Variants in ZNF362 observed in about 807,000 individuals in gnomAD.
ZNF362 encodes rotund homolog.
Under a neutral mutation model 42.9 loss-of-function variants are expected in ZNF362, and 11 were observed. The observed-to-expected ratio is 0.26, with a 90% confidence interval of 0.16 to 0.42. The LOEUF (loss-of-function observed/expected upper bound fraction) is 0.42. ZNF362 is among the 20% of genes least tolerant of loss of function. ZNF362 has a pLI of 1.00. For missense variants in ZNF362, 362 were observed against 576.2 expected, an observed-to-expected ratio of 0.63 and a Z score of 3.81; for synonymous variants, 255 against 257.3, an observed-to-expected ratio of 0.99 and a Z score of 0.09.
At chr1:33,179,979 T>C in the ZNF362 span, among the ~76,000 whole-genome samples, 1 of 152,164 alleles carries the variant, frequency 6.6e-6, no homozygotes, top group East Asian at 1.9e-4. Flanking sequence ...GGAAATGCAG[T>C]TCTAATGTTT....
intron 1 of ZNF362, among the ~76,000 whole-genome samples, chr1:33,263,804 G>A (rs1156983084): frequency 6.6e-6 from 1 of 152,222 alleles, no homozygotes. Context: ...CCGGAGGTGA[G>A]AAATTCAGGG....
chr1:33,240,744 A>G, the ZNF362 span, among the ~76,000 whole-genome samples: 1 of 152,200 alleles, frequency 6.6e-6, no homozygotes, highest in Non-Finnish European at 1.5e-5. Flanking sequence ...TTTAAATAGT[A>G]GGCTCAAAAC....
the ZNF362 span, among the ~76,000 whole-genome samples, chr1:33,215,021 G>A: frequency 6.6e-6 from 1 of 152,166 alleles, no homozygotes. Flanking sequence ...GGAAAGTAGT[G>A]TATTGATTAG....
chr1:33,156,259 ACTCT>A, the ZNF362 span, among the ~76,000 whole-genome samples: 1 of 151,540 alleles, frequency 6.6e-6, no homozygotes, highest in South Asian at 2.1e-4. Flanking sequence ...GCACTGCCAC[ACTCT>A]CTCTCCTTCG....
At chr1:33,163,041 G>GT in the ZNF362 span, 1 of 151,854 alleles carries the variant, frequency 6.6e-6, no homozygotes, top group East Asian at 1.9e-4. Context: ...TGTTTTTGTT[G>GT]TTTTTTATTT....
chr1:33,295,020 G>A lies in ZNF362; in HGVS notation c.987+5G>A. On this transcript the variant is annotated splice_donor_5th_base_variant and intron_variant, in intron 7 of 8. Coordinates refer to ENST00000539719, the MANE Select transcript of ZNF362 (RefSeq NM_152493.3). Reference sequence around the variant, plus strand: ...ACTCAGCTCTCCAACCTCCAGGTGAGTGCCTGCCTGCCTCCTGCCCACCAG... The same window carrying A: ...ACTCAGCTCTCCAACCTCCAGGTGAATGCCTGCCTGCCTCCTGCCCACCAG... The A allele has an allele frequency of 6.2e-7, 1 of 1,614,090 alleles. No homozygotes were observed. Among genetic ancestry groups the A allele is most frequent in the Non-Finnish European group, 8.5e-7 (1 of 1,179,986 alleles).
the ZNF362 span, among the ~76,000 whole-genome samples, chr1:33,197,639 T>C: frequency 2.4e-4 from 37 of 151,632 alleles, no homozygotes; most frequent in African/African-American, 8.7e-4. Flanking sequence ...CTAGAAAGAG[T>C]TTCCAGGCCA....
intron 4 of ZNF362, among the ~76,000 whole-genome samples, chr1:33,279,418 A>G (rs982783357): frequency 2.1e-4 from 32 of 152,150 alleles, no homozygotes; most frequent in Non-Finnish European, 1.0e-4. Flanking sequence ...CCACCAGTGT[A>G]TGATATAAAA....
the ZNF362 span, among the ~76,000 whole-genome samples, chr1:33,154,767 C>A: frequency 6.8e-6 from 1 of 146,096 alleles, no homozygotes; most frequent in Non-Finnish European, 1.5e-5. Flanking sequence ...CACTGCACTC[C>A]AGCCTGGTTG....
At chr1:33,194,793 G>A in the ZNF362 span, 2 of 151,954 alleles carry the variant, frequency 1.3e-5, no homozygotes, top group Non-Finnish European at 2.9e-5. Flanking sequence ...GTATTATAGA[G>A]TAATGGAAAA....
intron 7 of ZNF362, 47 bp from the exon 8 acceptor site, chr1:33,295,100 G>T: frequency 1.2e-6 from 2 of 1,613,590 alleles, no homozygotes; most frequent in Non-Finnish European, 1.7e-6. Flanking sequence ...AGGGGGTGGG[G>T]TGAGGGAGCC....
upstream of ZNF362, among the ~76,000 whole-genome samples, chr1:33,252,893 GCTT>G (rs1645768800): frequency 6.6e-6 from 1 of 152,174 alleles, no homozygotes; most frequent in South Asian, 2.1e-4. Context: ...CTAGAGGAAA[GCTT>G]TGCAGAATTG....
the ZNF362 span, among the ~76,000 whole-genome samples, chr1:33,160,874 G>A: frequency 2.0e-5 from 3 of 152,208 alleles, no homozygotes; most frequent in Non-Finnish European, 4.4e-5. Flanking sequence ...AAGGAGCAAG[G>A]ACTGGTGTTT....
chr1:33,152,364 G>A, the ZNF362 span, among the ~76,000 whole-genome samples: 2 of 152,164 alleles, frequency 1.3e-5, no homozygotes, highest in Non-Finnish European at 2.9e-5. Flanking sequence ...TCCGGAGTTC[G>A]AGATCAGCCT....
the ZNF362 span, among the ~76,000 whole-genome samples, chr1:33,131,626 AAAAT>A: frequency 8.6e-5 from 13 of 151,390 alleles, no homozygotes; most frequent in Non-Finnish European, 8.8e-5. Context: ...TAAAAGAAAT[AAAAT>A]AAATAATTAA....
chr1:33,245,028 T>A, the ZNF362 span, among the ~76,000 whole-genome samples: 1 of 152,160 alleles, frequency 6.6e-6, no homozygotes. Flanking sequence ...CTAGTCTGGG[T>A]GAACTCAGGC....
At chr1:33,162,883 G>A in the ZNF362 span, 2 of 152,238 alleles carry the variant, frequency 1.3e-5, no homozygotes, top group Non-Finnish European at 1.5e-5. Flanking sequence ...AGGACTGGAT[G>A]GTAAGCTCCC....
the ZNF362 span, among the ~76,000 whole-genome samples, chr1:33,198,727 A>C: frequency 3.3e-5 from 5 of 152,320 alleles, no homozygotes; most frequent in Non-Finnish European, 5.9e-5. Flanking sequence ...GAAGTGACAC[A>C]TGATAGAATT....
chr1:33,139,666 A>G, the ZNF362 span, among the ~76,000 whole-genome samples: 1 of 152,216 alleles, frequency 6.6e-6, no homozygotes, highest in Non-Finnish European at 1.5e-5. Flanking sequence ...CTAACATTAT[A>G]TGCATAGGTT....
Sources: gnomAD v4.1 joint callset for allele counts (sites outside exome capture counted in the v4.1 genomes callset) on GRCh38, gnomAD v4.1.1 for gene constraint, MANE v1.5 for transcripts, NCBI Gene and HGNC (gene_info 2026-07-23, HGNC 2026-07-21) for gene names.